ANKS1B: variants seen among roughly 807,000 people sequenced by gnomAD.
ANKS1B encodes the protein ankyrin repeat and sterile alpha motif domain containing 1B.
ANKS1B carries 36 observed loss-of-function variants against 148.3 expected under a neutral mutation model. The ratio of observed to expected loss-of-function variants is 0.24; its 90% CI spans 0.19 to 0.32. ANKS1B has a LOEUF of 0.32. ANKS1B is among the 10% of genes least tolerant of loss of function. ANKS1B has a pLI of 1.00. For synonymous variants in ANKS1B, 542 were observed against 560.8 expected, an observed-to-expected ratio of 0.97 and a Z score of 0.47; for missense variants, 1,157 against 1,542.6, an observed-to-expected ratio of 0.75 and a Z score of 4.19.
chr12:99,240,507 G>A (rs1288229989), intron 14 of ANKS1B, among the ~76,000 whole-genome samples: 1 of 152,146 alleles, frequency 6.6e-6, no homozygotes. Context: ...AGATCAATAA[G>A]AGAGAAAGTT....
intron 25 of ANKS1B, among the ~76,000 whole-genome samples, chr12:98,761,856 C>T (rs1001965958): frequency 6.6e-6 from 1 of 152,188 alleles, no homozygotes; most frequent in Non-Finnish European, 1.5e-5. Context: ...GAAAGGCCCT[C>T]CTGACCCAGG....
chr12:99,845,989 T>A (rs572890471), intron 1 of ANKS1B, among the ~76,000 whole-genome samples: 1 of 152,288 alleles, frequency 6.6e-6, no homozygotes, highest in Admixed American at 6.5e-5. Context: ...AAAAATTGAC[T>A]TTGTTCCATA....
At chr12:99,849,872 T>C (rs1395950882) in intron 1 of ANKS1B, among the ~76,000 whole-genome samples, 1 of 152,110 alleles carries the variant, frequency 6.6e-6, no homozygotes, top group Non-Finnish European at 1.5e-5. Flanking sequence ...ATATTCTATT[T>C]CTTAATTTGG....
intron 17 of ANKS1B, among the ~76,000 whole-genome samples, chr12:98,994,876 A>G (rs1461020514): frequency 6.6e-6 from 1 of 152,222 alleles, no homozygotes; most frequent in African/African-American, 2.4e-5. Context: ...CCATCTCCAA[A>G]TACAGTCACA....
intron 9 of ANKS1B, among the ~76,000 whole-genome samples, chr12:99,654,650 T>A (rs925449381): frequency 2.6e-5 from 4 of 152,200 alleles, no homozygotes; most frequent in African/African-American, 4.8e-5. Context: ...CACATTCCCA[T>A]TATTCTACAA....
chr12:99,588,192 T>C (rs1201512089), intron 9 of ANKS1B, among the ~76,000 whole-genome samples: 1 of 151,970 alleles, frequency 6.6e-6, no homozygotes, highest in East Asian at 1.9e-4. Context: ...CAAATTACAG[T>C]GCACATAAAA....
chr12:99,589,660 A>G (rs2097679814), intron 9 of ANKS1B, among the ~76,000 whole-genome samples: 1 of 152,236 alleles, frequency 6.6e-6, no homozygotes, highest in South Asian at 2.1e-4. Context: ...TTCTGAGCAA[A>G]TATAATAAAA....
intron 1 of ANKS1B, among the ~76,000 whole-genome samples, chr12:99,864,822 A>G (rs1200656589): frequency 6.6e-6 from 1 of 152,200 alleles, no homozygotes; most frequent in East Asian, 1.9e-4. Context: ...AAATACCAAC[A>G]TTAGCTTCCC....
In ANKS1B at chr12:99,227,282, G is replaced by A. The variant is rs141046458; in HGVS notation, c.2419+17060C>T. The stretch of plus-strand genomic sequence containing the variant: ...CTTGCTCCTACATTTGCTATACAAA[G>A]TGCCTGCTCCCGCTTTGACACCCTC... On this transcript the variant is annotated intron_variant, in intron 14 of 26. Transcript: ENST00000683438. Among the ~76,000 whole-genome samples the A allele has an allele frequency of 4.2e-3, 633 of 152,228 alleles. 3 individuals carry two copies. Among genetic ancestry groups the A allele is most frequent in the African/African-American group, 0.015 (612 of 41,544 alleles).
rs1486768813 is a variant in ANKS1B, at chr12:99,632,792, G to T, written c.1272+22275C>A. 2.7e-5 allele frequency among the ~76,000 whole-genome samples: 3 copies of T among 111,450 alleles called. No homozygotes were observed. The East Asian group carries it at 9.6e-4, about 36-fold the overall frequency. The allele number at this position is 111,450 out of a possible 152,430, so 73.1% of individuals were successfully genotyped here. A position where few individuals can be genotyped will look rare whatever the true frequency, so the allele number is the denominator to read the frequency against. The stretch of plus-strand genomic sequence containing the variant: ...ATTTTAATTATACTTTAAGTTCTAG[G>T]GTACATGTGCACAATGTGCAGGTTT... On this transcript the variant is annotated intron_variant, in intron 9 of 26. Transcript: ENST00000683438.
At chr12:99,847,334 T>TA (rs1324476084) in intron 1 of ANKS1B, among the ~76,000 whole-genome samples, 1 of 152,076 alleles carries the variant, frequency 6.6e-6, no homozygotes, top group Non-Finnish European at 1.5e-5. Flanking sequence ...AGGCAGGCCA[T>TA]AAAAAATAGA....
chr12:98,832,238 C>T, intron 17 of ANKS1B, 102 bp from the exon 18 acceptor site: 2 of 889,140 alleles, frequency 2.2e-6, no homozygotes, highest in Middle Eastern at 2.8e-4. Flanking sequence ...CAAAGTTACT[C>T]CTGCACCATG....
intron 9 of ANKS1B, among the ~76,000 whole-genome samples, chr12:99,543,106 C>T (rs112861833): frequency 5.9e-5 from 9 of 152,016 alleles, no homozygotes; most frequent in African/African-American, 1.4e-4. Flanking sequence ...GTATTCAGAC[C>T]ATATGAAGAA....
At chr12:99,908,852 C>G (rs2093892823) in intron 1 of ANKS1B, among the ~76,000 whole-genome samples, 1 of 152,080 alleles carries the variant, frequency 6.6e-6, no homozygotes, top group Non-Finnish European at 1.5e-5. Flanking sequence ...TTTTTTCCCC[C>G]TTTGGTGATA....
intron 17 of ANKS1B, among the ~76,000 whole-genome samples, chr12:98,867,390 A>T (rs1205935325): frequency 6.6e-6 from 1 of 152,242 alleles, no homozygotes; most frequent in Non-Finnish European, 1.5e-5. Context: ...CCTACACGTG[A>T]CAACAAGAGA....
chr12:99,244,518 A>G (rs998041562), intron 13 of ANKS1B, 104 bp from the exon 14 acceptor site: 3 of 670,244 alleles, frequency 4.5e-6, no homozygotes, highest in Non-Finnish European at 7.2e-6. Flanking sequence ...TGATGTTATT[A>G]CCACAGTGTT....
In ANKS1B at chr12:99,806,394, G is replaced by A; in HGVS notation, c.669+10C>T. The stretch of plus-strand genomic sequence containing the variant: ...CATCACTTTTAAAGCATAGCTAAAA[G>A]CACACTCACTTGACAGCTCACATCC... On this transcript the variant is annotated intron_variant, in intron 4 of 26. Coordinates refer to ENST00000683438, the MANE Select transcript of ANKS1B (RefSeq NM_001352186.2). 6.2e-7 allele frequency: 1 copy of A among 1,612,642 alleles called. No homozygotes were observed. Among genetic ancestry groups the A allele is most frequent in the Admixed American group, 1.7e-5 (1 of 60,006 alleles).
intron 9 of ANKS1B, among the ~76,000 whole-genome samples, chr12:99,532,821 T>C (rs2097014972): frequency 6.6e-6 from 1 of 152,196 alleles, no homozygotes; most frequent in Non-Finnish European, 1.5e-5. Flanking sequence ...TAGTCAAAGA[T>C]CAGTTGGTTG....
intron 9 of ANKS1B, among the ~76,000 whole-genome samples, chr12:99,537,845 T>C (rs908948392): frequency 1.3e-5 from 2 of 152,186 alleles, no homozygotes; most frequent in African/African-American, 4.8e-5. Flanking sequence ...ACCAATGTCC[T>C]GGAGAATTTC....
Sources: allele counts gnomAD v4.1 joint callset (sites outside exome capture counted in the v4.1 genomes callset), GRCh38; gene constraint gnomAD v4.1.1; transcripts MANE v1.5; gene names NCBI Gene and HGNC (gene_info 2026-07-23, HGNC 2026-07-21).